Variants in CPQ observed in about 807,000 individuals in gnomAD.
The protein encoded by CPQ is carboxypeptidase Q.
Under a neutral mutation model 45.7 loss-of-function variants are expected in CPQ, and 37 were observed. That is an observed-to-expected ratio of 0.81 (90% CI 0.62 to 1.07). The LOEUF is 1.07. Ranked by LOEUF, CPQ falls within the 50% of genes least tolerant of loss-of-function variation. The pLI, the probability that CPQ is intolerant of heterozygous loss-of-function variation, is 0.00. For missense variants in CPQ, 537 were observed against 572.9 expected (o/e 0.94, Z 0.64); for synonymous variants, 186 against 205.8 (o/e 0.90, Z 0.82).
intron 4 of CPQ, among the ~76,000 whole-genome samples, chr8:96,962,638 G>A (rs761722246): frequency 6.6e-6 from 1 of 152,170 alleles, no homozygotes; most frequent in Non-Finnish European, 1.5e-5. Flanking sequence ...TGACATAAGG[G>A]AGATTTTCAG....
intron 2 of CPQ, among the ~76,000 whole-genome samples, chr8:96,809,158 C>A (rs1811125913): frequency 6.6e-6 from 1 of 151,752 alleles, no homozygotes; most frequent in African/African-American, 2.4e-5. Flanking sequence ...TAAATATATG[C>A]TTATTATACA....
intron 2 of CPQ, among the ~76,000 whole-genome samples, chr8:96,801,987 T>C (rs563715542): frequency 1.9e-4 from 29 of 152,356 alleles, no homozygotes; most frequent in African/African-American, 6.3e-4. Flanking sequence ...TTCTTCTTGA[T>C]AGTTATGATT....
At chr8:96,781,818 G>C (rs1007439940) in intron 1 of CPQ, among the ~76,000 whole-genome samples, 2 of 152,204 alleles carry the variant, frequency 1.3e-5, no homozygotes, top group Admixed American at 1.3e-4. Context: ...GGTGGGACAG[G>C]TATAGGATAG....
At chr8:96,666,258 G>C (rs1808923795) in intron 1 of CPQ, among the ~76,000 whole-genome samples, 1 of 152,132 alleles carries the variant, frequency 6.6e-6, no homozygotes, top group South Asian at 2.1e-4. Context: ...GATGGGCTTT[G>C]GATTGGCTAG....
At chr8:97,041,606 A>C (rs1237538395) in intron 6 of CPQ, among the ~76,000 whole-genome samples, 2 of 152,116 alleles carry the variant, frequency 1.3e-5, no homozygotes, top group African/African-American at 4.8e-5. Flanking sequence ...ATTCAGTATG[A>C]TATTGGCTGT....
At chr8:96,961,107 T>G (rs1322532092) in intron 4 of CPQ, among the ~76,000 whole-genome samples, 2 of 152,220 alleles carry the variant, frequency 1.3e-5, no homozygotes, top group Non-Finnish European at 2.9e-5. Flanking sequence ...TTCAACTTTA[T>G]AAGGATATGT....
intron 7 of CPQ, among the ~76,000 whole-genome samples, chr8:97,075,681 TTC>T (rs1333331813): frequency 3.3e-5 from 5 of 152,184 alleles, no homozygotes; most frequent in Admixed American, 2.0e-4. Flanking sequence ...TGTGAGATTT[TTC>T]TCTCTCTGCT....
chr8:96,698,796 G>A (rs1809419714), intron 1 of CPQ, among the ~76,000 whole-genome samples: 1 of 152,126 alleles, frequency 6.6e-6, no homozygotes, highest in Admixed American at 6.6e-5. Context: ...TCTCACCCCA[G>A]TTACAATGGC....
chr8:96,701,302 C>A (rs1011642648), intron 1 of CPQ, among the ~76,000 whole-genome samples: 2 of 152,060 alleles, frequency 1.3e-5, no homozygotes, highest in African/African-American at 2.4e-5. Flanking sequence ...GAAATAAATT[C>A]TAGGAAGCGT....
intron 4 of CPQ, among the ~76,000 whole-genome samples, chr8:96,910,887 A>G (rs1050669575): frequency 7.2e-5 from 11 of 152,038 alleles, no homozygotes; most frequent in African/African-American, 2.7e-4. Flanking sequence ...GTCACACAGA[A>G]GGCTGAGTCA....
In CPQ at chr8:96,739,953, T is replaced by TTG. The variant is rs544713945; in HGVS notation, c.-34-44910_-34-44909dup. On this transcript the variant is annotated intron_variant, in intron 1 of 7. Transcript: ENST00000220763. ...TTGACTTGATGATGCGGGCTCTTTT[T>TTG]TGGTTCCATATGAACTTTAAAGTAG... Among the ~76,000 whole-genome samples the TTG allele has an allele frequency of 3.2e-3, 487 of 152,292 alleles. 6 individuals are homozygous for TTG. Among genetic ancestry groups the TTG allele is most frequent in the African/African-American group, 0.011 (462 of 41,522 alleles).
At chr8:96,959,984 G>A (rs1029334499) in intron 4 of CPQ, among the ~76,000 whole-genome samples, 2 of 145,668 alleles carry the variant, frequency 1.4e-5, no homozygotes, top group Non-Finnish European at 3.0e-5. Flanking sequence ...ATACTTTATT[G>A]TCAGATGGGC....
At chr8:97,081,919 T>G (rs954195523) in intron 7 of CPQ, among the ~76,000 whole-genome samples, 11 of 152,176 alleles carry the variant, frequency 7.2e-5, no homozygotes, top group African/African-American at 2.7e-4. Context: ...TACTAATACC[T>G]ACCTCATGAG....
At chr8:97,061,297 A>G (rs968533648) in intron 6 of CPQ, among the ~76,000 whole-genome samples, 1 of 152,190 alleles carries the variant, frequency 6.6e-6, no homozygotes, top group Non-Finnish European at 1.5e-5. Flanking sequence ...GCTTAAACAA[A>G]TTACTTTTTT....
intron 4 of CPQ, among the ~76,000 whole-genome samples, chr8:96,895,370 T>C (rs1563523115): frequency 6.6e-6 from 1 of 152,214 alleles, no homozygotes; most frequent in Non-Finnish European, 1.5e-5. Flanking sequence ...TAATATTTTA[T>C]AGATACTGTC....
intron 1 of CPQ, among the ~76,000 whole-genome samples, chr8:96,741,472 C>G (rs1481480518): frequency 2.0e-5 from 3 of 152,146 alleles, no homozygotes; most frequent in Non-Finnish European, 4.4e-5. Context: ...GTCTCTATTT[C>G]CTTCAGTTCT....
chr8:96,989,826 G>C (rs898232068), intron 5 of CPQ, among the ~76,000 whole-genome samples: 1 of 152,118 alleles, frequency 6.6e-6, no homozygotes, highest in Non-Finnish European at 1.5e-5. Flanking sequence ...GCTGGGAGGG[G>C]AATCTCAAAG....
chr8:97,135,552 T>C (rs1036361603), intron 7 of CPQ, among the ~76,000 whole-genome samples: 9 of 152,202 alleles, frequency 5.9e-5, no homozygotes, highest in Non-Finnish European at 1.5e-5. Context: ...ATAATTTTAA[T>C]TAAATTTTAA....
chr8:97,109,973 C>T (rs902268055), intron 7 of CPQ, among the ~76,000 whole-genome samples: 6 of 152,150 alleles, frequency 3.9e-5, no homozygotes, highest in African/African-American at 1.2e-4. Flanking sequence ...TTCTACCCAA[C>T]TCTTATTTTT....
Sources: gnomAD v4.1 joint callset for allele counts (sites outside exome capture counted in the v4.1 genomes callset) on GRCh38, gnomAD v4.1.1 for gene constraint, MANE v1.5 for transcripts, NCBI Gene and HGNC (gene_info 2026-07-23, HGNC 2026-07-21) for gene names.